The following RPL22 variants were observed in gnomAD, a reference collection of about 807,000 sequenced individuals.
RPL22 encodes ribosomal protein L22.
Under a neutral mutation model 16.2 loss-of-function variants are expected in RPL22, and 4 were observed. The observed-to-expected ratio is 0.25, with a 90% CI of 0.12 to 0.57. The LOEUF (loss-of-function observed/expected upper bound fraction) is 0.57. Among genes scored for constraint, RPL22 ranks in the 20% least tolerant of loss-of-function variants. RPL22 has a pLI of 0.92. For synonymous variants in RPL22, 43 were observed against 54.8 expected (o/e 0.78, Z 0.95); for missense variants, 83 against 156.1 (o/e 0.53, Z 2.49).
In RPL22 at chr1:6,186,602, G is replaced by C; in HGVS notation, c.*70C>G. 1 of 1,073,062 alleles carries C rather than the reference G, an allele frequency of 9.3e-7. No homozygotes were observed. Among genetic ancestry groups the C allele is most frequent in the Non-Finnish European group, 1.3e-6 (1 of 755,116 alleles). The allele number at this position is 1,073,062 out of a possible 1,614,324, so 66.5% of individuals were successfully genotyped here. On this transcript the variant is annotated 3_prime_UTR_variant, in exon 4 of 4. Transcript: ENST00000234875. Reference sequence around the variant, plus strand: ...TTCAATCCACACTGCAGAGATACAAGGATAAACCACCATTTTGGTTCCCAA... The same window carrying C: ...TTCAATCCACACTGCAGAGATACAACGATAAACCACCATTTTGGTTCCCAA...
intron 2 of RPL22, 50 bp from the exon 3 acceptor site, chr1:6,193,104 A>C (rs769777834): frequency 1.2e-6 from 2 of 1,605,758 alleles, no homozygotes; most frequent in East Asian, 4.5e-5. Flanking sequence ...CATCTGTCTC[A>C]ACAGAATATT....
intron 3 of RPL22, among the ~76,000 whole-genome samples, chr1:6,190,098 C>T (rs1667631116): frequency 6.6e-6 from 1 of 152,258 alleles, no homozygotes; most frequent in Middle Eastern, 3.4e-3. Flanking sequence ...TTTGTGAAAA[C>T]GCAAGTGACG....
intron 3 of RPL22, among the ~76,000 whole-genome samples, chr1:6,187,884 C>T (rs562613256): frequency 6.6e-6 from 1 of 152,258 alleles, no homozygotes; most frequent in South Asian, 2.1e-4. Context: ...AGGACTGCTT[C>T]TTAGGGGTGT....
rs368828780 is a variant in RPL22 at position 6,192,997 on chromosome 1, C to T, written c.175G>A (p.Gly59Arg). ...TTGCTCCTTTCGATGGTCACCACCC[C>T]TCCACCAAGGTTCCCAGCTTTTCCG... is the stretch of plus-strand genomic sequence containing the variant. ...VNGKAGNLGG[G>R]VVTIERSKSK... Residue 59 changes from glycine to arginine, a missense_variant, in exon 3 of 4, where the codon GGG (glycine) becomes AGG (arginine). Physicochemically the swap from Gly to Arg is moderately radical, Grantham distance 125. Transcript: ENST00000234875. 1.2e-6 allele frequency: 2 copies of T among 1,614,188 alleles called. No individual in the cohort carries two copies. The highest frequency in any genetic ancestry group is 1.7e-6 in the Non-Finnish European group (2 of 1,180,014).
At chr1:6,188,425 C>T (rs1237106402) in intron 3 of RPL22, among the ~76,000 whole-genome samples, 1 of 152,124 alleles carries the variant, frequency 6.6e-6, no homozygotes, top group Non-Finnish European at 1.5e-5. Flanking sequence ...CACAGTGGCT[C>T]ACGCCTGTAA....
chr1:6,193,277 G>C (rs1326355843), intron 2 of RPL22, among the ~76,000 whole-genome samples: 1 of 151,658 alleles, frequency 6.6e-6, no homozygotes, highest in Non-Finnish European at 1.5e-5. Context: ...CAAAGTGCTA[G>C]GATTACGGGC....
intron 2 of RPL22, among the ~76,000 whole-genome samples, chr1:6,193,412 C>T (rs1667677317): frequency 6.6e-6 from 1 of 151,844 alleles, no homozygotes; most frequent in Non-Finnish European, 1.5e-5. Context: ...GCAACCTCCG[C>T]CTCCCAGGTT....
At chr1:6,193,586 G>T (rs1667679886) in intron 2 of RPL22, among the ~76,000 whole-genome samples, 1 of 152,044 alleles carries the variant, frequency 6.6e-6, no homozygotes, top group Non-Finnish European at 1.5e-5. Flanking sequence ...GCCTCCCAAA[G>T]TGCTGGGATT....
At chr1:6,187,032 G>C (rs1347717529) in intron 3 of RPL22, among the ~76,000 whole-genome samples, 2 of 152,218 alleles carry the variant, frequency 1.3e-5, no homozygotes, top group African/African-American at 4.8e-5. Context: ...AATAGCCTCA[G>C]CATGGTGGCT....
chr1:6,199,510 G>A, intron 1 of RPL22, 52 bp downstream of exon 1: 1 of 1,547,270 alleles, frequency 6.5e-7, no homozygotes. Context: ...CGGGCTCGGC[G>A]AGGCCCACGT....
intron 3 of RPL22, among the ~76,000 whole-genome samples, chr1:6,187,570 C>T (rs539030887): frequency 9.8e-4 from 142 of 144,944 alleles, no homozygotes; most frequent in African/African-American, 3.6e-3. Flanking sequence ...GCCGAGATGG[C>T]GCCATTGCAC....
chr1:6,192,858 C>T (rs1667669879), intron 3 of RPL22, 72 bp downstream of exon 3: 1 of 1,577,344 alleles, frequency 6.3e-7, no homozygotes, highest in South Asian at 1.1e-5. Flanking sequence ...CGGGTGCCCC[C>T]ACTCCCATGC....
chr1:6,186,912 A>C, intron 3 of RPL22, 96 bp from the exon 4 acceptor site: 1 of 1,557,696 alleles, frequency 6.4e-7, no homozygotes, highest in South Asian at 1.2e-5. Context: ...AAATCATTAC[A>C]ATTCAAGGTG....
Position 6,186,636 on chromosome 1 carries a change from C to T in RPL22, c.*36G>A, listed in dbSNP as rs749763074. On this transcript the variant is annotated 3_prime_UTR_variant, in exon 4 of 4. Coordinates refer to ENST00000234875, the MANE Select transcript of RPL22 (RefSeq NM_000983.4). ...ACCATTTTGGTTCCCAAGTTTTATT[C>T]AAGAACTCATACAAAATTTTCCAGA... 5 of 1,396,586 alleles carry T rather than the reference C, an allele frequency of 3.6e-6. No homozygotes were observed. The Admixed American group carries it at 1.2e-4, about 33-fold the overall frequency. The allele number at this position is 1,396,586 out of a possible 1,614,324, so 86.5% of individuals were successfully genotyped here.
Position 6,185,117 on chromosome 1 carries a change from A to C in RPL22, c.*1555T>G. 1 of 389,628 alleles carries C rather than the reference A, an allele frequency of 2.6e-6. No individual in the cohort carries two copies. Among genetic ancestry groups the C allele is most frequent in the Non-Finnish European group, 4.5e-6 (1 of 221,114 alleles). 24.1% of individuals were successfully genotyped at this position (389,628 alleles called of 1,614,324 possible). ...AAGACATAGAAAACCAGTGAGTTTC[A>C]ATTTTATTACAAGTTTTCAAATCTG... On this transcript the variant is annotated 3_prime_UTR_variant, in exon 4 of 4. Coordinates refer to ENST00000234875, the MANE Select transcript of RPL22 (RefSeq NM_000983.4).
intron 3 of RPL22, among the ~76,000 whole-genome samples, chr1:6,187,353 A>G (rs60086377): frequency 0.28 from 42,753 of 151,534 alleles, 10,871 homozygotes; most frequent in African/African-American, 0.69. Context: ...ACTGGCTCAC[A>G]CCTGTAATCC....
chr1:6,187,478 G>A (rs1024762163), intron 3 of RPL22, among the ~76,000 whole-genome samples: 9 of 151,876 alleles, frequency 5.9e-5, no homozygotes, highest in Admixed American at 1.3e-4. Flanking sequence ...GCCAGACGTC[G>A]TGCTGGGCGC....
In RPL22 at chr1:6,186,494, A is replaced by T; in HGVS notation, c.*178T>A. The stretch of plus-strand genomic sequence containing the variant: ...ATTACCACGAGAATTGAAATTTTTA[A>T]GCAGAAAAAAAAAGAAGTCAAGTTA... On this transcript the variant is annotated 3_prime_UTR_variant, in exon 4 of 4. Coordinates refer to ENST00000234875, the MANE Select transcript of RPL22 (RefSeq NM_000983.4). The T allele has an allele frequency of 2.0e-6, 1 of 489,780 alleles. No homozygotes were observed. The highest frequency in any genetic ancestry group is 3.6e-6 in the Non-Finnish European group (1 of 281,124). The allele number at this position is 489,780 out of a possible 1,614,324, so 30.3% of individuals were successfully genotyped here.
At position 6,185,844 on chromosome 1, in the gene RPL22, G is replaced by A. The variant is rs1309591051; in HGVS notation, c.*828C>T. On this transcript the variant is annotated 3_prime_UTR_variant, in exon 4 of 4. Coordinates refer to ENST00000234875, the MANE Select transcript of RPL22 (RefSeq NM_000983.4). ...TTCCAGGGCACCTCCCACCTCCTTG[G>A]CATGGGAGGCTTCCCAGTCACTCCT... The A allele has an allele frequency of 1.3e-5, 3 of 230,622 alleles. No homozygotes were observed. The highest frequency in any genetic ancestry group is 2.6e-5 in the Non-Finnish European group (3 of 116,586). 14.3% of individuals were successfully genotyped at this position (230,622 alleles called of 1,614,324 possible).
Sources: gnomAD v4.1 joint callset for allele counts (sites outside exome capture counted in the v4.1 genomes callset) on GRCh38, gnomAD v4.1.1 for gene constraint, MANE v1.5 for transcripts, NCBI Gene and HGNC (gene_info 2026-07-23, HGNC 2026-07-21) for gene names.